Variants in SPAG6 observed in about 807,000 individuals in gnomAD.
The protein encoded by SPAG6 is sperm-associated antigen 6.
Under a neutral mutation model 58.5 loss-of-function variants are expected in SPAG6, and 49 were observed. The observed-to-expected ratio is 0.84, with a 90% CI of 0.67 to 1.06. The LOEUF is 1.06. SPAG6 is among the 50% of genes least tolerant of loss of function. The pLI, the probability that SPAG6 is intolerant of heterozygous loss-of-function variation, is 0.00. For missense variants in SPAG6, 560 were observed against 611.3 expected, an observed-to-expected ratio of 0.92 and a Z score of 0.89; for synonymous variants, 233 against 225.6, an observed-to-expected ratio of 1.03 and a Z score of -0.29.
intron 6 of SPAG6, 38 bp downstream of exon 6, chr10:22,388,034 T>C (rs1411245956): frequency 1.3e-6 from 2 of 1,513,328 alleles, no homozygotes; most frequent in Non-Finnish European, 1.8e-6. Context: ...TATGTAGTAG[T>C]TAGTTTTAGT....
intron 4 of SPAG6, among the ~76,000 whole-genome samples, chr10:22,375,816 A>G (rs1833803379): frequency 6.6e-6 from 1 of 152,038 alleles, no homozygotes; most frequent in African/African-American, 2.4e-5. Context: ...TGACCTTGTC[A>G]TCCTCCCGCC....
intron 8 of SPAG6, among the ~76,000 whole-genome samples, chr10:22,394,678 C>T (rs1460169931): frequency 1.3e-5 from 2 of 152,140 alleles, no homozygotes; most frequent in Non-Finnish European, 1.5e-5. Flanking sequence ...GGATTTGTCT[C>T]TTTTGGACAT....
At position 22,388,003 on chromosome 10, in the gene SPAG6, A is replaced by G. The variant is rs1172096141; in HGVS notation, c.852+7A>G. ...TGCAAAACATACACCCGAGGTGAAA[A>G]GAAACTTCAAGGCACAATAATATGT... On this transcript the variant is annotated splice_region_variant and intron_variant, in intron 6 of 10. Transcript: ENST00000376624. 3 of 1,594,564 alleles carry G rather than the reference A, an allele frequency of 1.9e-6. No homozygotes were observed. The African/African-American group carries it at 4.1e-5, about 22-fold the overall frequency.
chr10:22,409,152 C>G (rs180706863), intron 9 of SPAG6, among the ~76,000 whole-genome samples: 3 of 152,080 alleles, frequency 2.0e-5, no homozygotes, highest in African/African-American at 7.2e-5. Context: ...GCTCCTACCT[C>G]CCATGAATAT....
At chr10:22,385,138 G>A (rs1834038138) in intron 4 of SPAG6, among the ~76,000 whole-genome samples, 1 of 152,036 alleles carries the variant, frequency 6.6e-6, no homozygotes, top group Non-Finnish European at 1.5e-5. Flanking sequence ...TTAATTATCA[G>A]AAAATGAGTA....
At position 22,411,031 on chromosome 10, in the gene SPAG6, G is replaced by T; in HGVS notation, c.1315G>T (p.Val439Leu). ...LKHVVGQFSK[V>L]LPHDSKARRL... is the part of the protein sequence containing the mutation. ...CATTTTATGTGCTTCACTTTGCAAG[G>T]TGCTGCCGCATGATAGCAAAGCTCG... The change falls in exon 10 of 11, where the codon GTG becomes TTG. Residue 439 changes from valine (V) to leucine (L), a missense_variant and splice_region_variant. Coordinates refer to ENST00000376624, the MANE Select transcript of SPAG6 (RefSeq NM_012443.4). The T allele has an allele frequency of 1.2e-6, 2 of 1,613,178 alleles. No homozygotes were observed. Among genetic ancestry groups the T allele is most frequent in the South Asian group, 2.2e-5 (2 of 90,786 alleles).
chr10:22,413,415 C>A (rs1299072504), intron 10 of SPAG6, among the ~76,000 whole-genome samples: 1 of 151,960 alleles, frequency 6.6e-6, no homozygotes, highest in Admixed American at 6.6e-5. Context: ...CGCCTGTAGT[C>A]CCAGCTACTC....
intron 2 of SPAG6, chr10:22,360,799 T>C: frequency 2.6e-6 from 4 of 1,534,178 alleles, no homozygotes; most frequent in Non-Finnish European, 3.5e-6. Context: ...CAGACTGCTT[T>C]AATTTGTGAA....
chr10:22,366,793 C>T (rs1837214248), intron 3 of SPAG6, among the ~76,000 whole-genome samples: 1 of 152,054 alleles, frequency 6.6e-6, no homozygotes, highest in Admixed American at 6.5e-5. Flanking sequence ...TCTGGTATCC[C>T]ACGTAGAAGA....
chr10:22,410,960 T>G, intron 9 of SPAG6, 71 bp from the exon 10 acceptor site: 1 of 1,473,100 alleles, frequency 6.8e-7, no homozygotes, highest in Non-Finnish European at 9.2e-7. Context: ...TCACATACAG[T>G]ATTGCTTTTC....
chr10:22,348,770 A>G (rs1836637424), intron 2 of SPAG6, among the ~76,000 whole-genome samples: 1 of 152,254 alleles, frequency 6.6e-6, no homozygotes, highest in African/African-American at 2.4e-5. Context: ...TAATTGCCAA[A>G]GCAGACAAAG....
At chr10:22,368,796 G>C in intron 4 of SPAG6, 118 bp downstream of exon 4, 1 of 692,188 alleles carries the variant, frequency 1.4e-6, no homozygotes, top group South Asian at 2.3e-5. Context: ...GTTTCTGTAT[G>C]TGATGAGAAG....
intron 2 of SPAG6, chr10:22,360,753 T>C (rs1837011427): frequency 6.7e-7 from 1 of 1,501,704 alleles, no homozygotes; most frequent in Non-Finnish European, 8.9e-7. Flanking sequence ...TGCTCCTTAC[T>C]AGAGGCCTTG....
At chr10:22,367,272 C>T (rs971338409) in intron 3 of SPAG6, among the ~76,000 whole-genome samples, 9 of 151,886 alleles carry the variant, frequency 5.9e-5, no homozygotes, top group Non-Finnish European at 1.3e-4. Context: ...TCTATGGAAA[C>T]CTACTTCAAA....
chr10:22,395,027 A>G (rs1834264244), intron 8 of SPAG6, among the ~76,000 whole-genome samples: 1 of 152,160 alleles, frequency 6.6e-6, no homozygotes, highest in African/African-American at 2.4e-5. Flanking sequence ...TGCCTTCTTT[A>G]CTACTTACTT....
chr10:22,416,418 G>A (rs982563900), intron 10 of SPAG6, among the ~76,000 whole-genome samples: 1 of 152,090 alleles, frequency 6.6e-6, no homozygotes, highest in African/African-American at 2.4e-5. Flanking sequence ...TGCTACTTCT[G>A]TAGCACAGTT....
chr10:22,410,649 G>C (rs934464839), intron 9 of SPAG6, among the ~76,000 whole-genome samples: 9 of 152,182 alleles, frequency 5.9e-5, no homozygotes, highest in African/African-American at 2.2e-4. Flanking sequence ...CAATATTTAG[G>C]ATGGAGATTA....
At chr10:22,382,842 C>T (rs1051143751) in intron 4 of SPAG6, among the ~76,000 whole-genome samples, 20 of 152,112 alleles carry the variant, frequency 1.3e-4, no homozygotes, top group African/African-American at 3.1e-4. Context: ...CTTATATTTA[C>T]TTTTTTAAAA....
chr10:22,401,427 C>A, intron 9 of SPAG6, 150 bp downstream of exon 9: 1 of 594,292 alleles, frequency 1.7e-6, no homozygotes, highest in Non-Finnish European at 3.0e-6. Context: ...GAGAAGTTAC[C>A]TTAATAAAAT....
Sources: allele counts gnomAD v4.1 joint callset (sites outside exome capture counted in the v4.1 genomes callset), GRCh38; gene constraint gnomAD v4.1.1; transcripts MANE v1.5; gene names NCBI Gene and HGNC (gene_info 2026-07-23, HGNC 2026-07-21).